L2HGDH: variants seen among roughly 807,000 people sequenced by gnomAD.
L2HGDH encodes L-2-hydroxyglutarate dehydrogenase, also known as L-2-hydroxyglutarate dehydrogenase, mitochondrial.
In L2HGDH, 34 loss-of-function variants were observed where a neutral mutation model predicts 51.5. The ratio of observed to expected loss-of-function variants is 0.66; its 90% CI spans 0.50 to 0.88. The LOEUF (loss-of-function observed/expected upper bound fraction) is 0.88. L2HGDH is among the 40% of genes least tolerant of loss of function. L2HGDH has a pLI of 0.00. For missense variants in L2HGDH, 558 were observed against 571.9 expected, an observed-to-expected ratio of 0.98 and a Z score of 0.25; for synonymous variants, 198 against 197.9, an observed-to-expected ratio of 1.00 and a Z score of -0.01.
In L2HGDH at chr14:50,294,145, C is replaced by T. The variant is rs151305613; in HGVS notation, c.510G>A (p.Glu170=). ...GVPGLRLIQQ[E]DIKKKEPYCR... ...AATATGGCTCCTTCTTTTTTATATC[C>T]TCCTGCTGGATCAGCCTCAGGCCCG... The change falls in exon 4 of 10, where the codon GAG becomes GAA. Residue 170 remains glutamate, a synonymous_variant. Transcript: ENST00000267436. The T allele has an allele frequency of 2.2e-4, 361 of 1,613,838 alleles. No individual in the cohort carries two copies. In the African/African-American group the frequency reaches 3.4e-3, roughly 15 times the overall value.
At chr14:50,303,070 A>C in intron 1 of L2HGDH, 53 bp from the exon 2 acceptor site, 1 of 1,071,324 alleles carries the variant, frequency 9.3e-7, no homozygotes, top group Non-Finnish European at 1.5e-6. Context: ...AGACCTCGCC[A>C]AACTTCACAT....
At chr14:50,263,201 T>C (rs1432459644) in intron 9 of L2HGDH, among the ~76,000 whole-genome samples, 1 of 152,196 alleles carries the variant, frequency 6.6e-6, no homozygotes, top group Non-Finnish European at 1.5e-5. Flanking sequence ...ATAGCAGTAA[T>C]AGAAACCAGA....
At chr14:50,288,050 T>G (rs1053244460) in intron 4 of L2HGDH, among the ~76,000 whole-genome samples, 1 of 152,260 alleles carries the variant, frequency 6.6e-6, no homozygotes, top group Admixed American at 6.5e-5. Context: ...GTGTCTACAA[T>G]GTGTAATGAT....
rs1317478917 is a variant in L2HGDH, at chr14:50,245,164, C to G, written c.*1894G>C. The G allele has an allele frequency of 6.4e-5, 63 of 985,266 alleles. No individual in the cohort carries two copies. Among genetic ancestry groups the G allele is most frequent in the Non-Finnish European group, 7.5e-5 (62 of 829,878 alleles). The allele number at this position is 985,266 out of a possible 1,614,324, so 61.0% of individuals were successfully genotyped here. A position where few individuals can be genotyped will look rare whatever the true frequency, so the allele number is the denominator to read the frequency against. On this transcript the variant is annotated 3_prime_UTR_variant, in exon 10 of 10. Transcript: ENST00000267436. ...TATTTATCAAAAATGGAAAAATATCCCTATACAAGTTTATAGGAGCCCTGA... is the reference window on the plus strand; with the variant it reads ...TATTTATCAAAAATGGAAAAATATCGCTATACAAGTTTATAGGAGCCCTGA...
At chr14:50,298,380 A>C (rs990994490) in intron 3 of L2HGDH, among the ~76,000 whole-genome samples, 3 of 151,510 alleles carry the variant, frequency 2.0e-5, no homozygotes, top group Non-Finnish European at 2.9e-5. Context: ...CAATGGCGCG[A>C]TCTCAGCTCA....
intron 9 of L2HGDH, among the ~76,000 whole-genome samples, chr14:50,262,379 G>C (rs903432613): frequency 2.7e-5 from 4 of 147,016 alleles, no homozygotes; most frequent in Non-Finnish European, 5.9e-5. Context: ...GTAGTAAGCC[G>C]ACATTGTACC....
intron 2 of L2HGDH, 103 bp from the exon 3 acceptor site, chr14:50,302,271 T>C (rs2030457052): frequency 2.5e-6 from 3 of 1,223,686 alleles, no homozygotes; most frequent in Admixed American, 1.7e-5. Flanking sequence ...GACCACATCA[T>C]GTAAAATTCT....
chr14:50,263,855 A>C (rs1889185183), intron 9 of L2HGDH, among the ~76,000 whole-genome samples: 1 of 149,320 alleles, frequency 6.7e-6, no homozygotes, highest in Non-Finnish European at 1.5e-5. Flanking sequence ...GCCTCACTGC[A>C]ACCTCTGCCT....
intron 3 of L2HGDH, among the ~76,000 whole-genome samples, chr14:50,301,145 T>C (rs2030385815): frequency 1.3e-5 from 2 of 152,208 alleles, no homozygotes; most frequent in African/African-American, 4.8e-5. Context: ...TCCACTAGGA[T>C]GGCTAAAATA....
At chr14:50,275,924 T>C (rs1889955224) in intron 6 of L2HGDH, among the ~76,000 whole-genome samples, 1 of 152,166 alleles carries the variant, frequency 6.6e-6, no homozygotes, top group African/African-American at 2.4e-5. Context: ...GTACTTCCAT[T>C]AGAGAATGAC....
intron 3 of L2HGDH, among the ~76,000 whole-genome samples, chr14:50,297,371 GAC>G (rs71118863): frequency 2.0e-5 from 3 of 150,574 alleles, no homozygotes; most frequent in Admixed American, 6.6e-5. Flanking sequence ...GGAATTCATA[GAC>G]ACACACACAC....
intron 3 of L2HGDH, among the ~76,000 whole-genome samples, chr14:50,301,766 T>C (rs548374834): frequency 7.2e-5 from 11 of 152,288 alleles, no homozygotes; most frequent in African/African-American, 2.6e-4. Context: ...CTCAGCTCTA[T>C]AAATATACTA....
At chr14:50,249,022 G>A (rs937771252) in intron 9 of L2HGDH, among the ~76,000 whole-genome samples, 5 of 152,142 alleles carry the variant, frequency 3.3e-5, no homozygotes, top group African/African-American at 1.2e-4. Flanking sequence ...AGTGGCTGGG[G>A]GCCTTTACAC....
chr14:50,300,371 T>C (rs1221471744), intron 3 of L2HGDH, among the ~76,000 whole-genome samples: 1 of 152,170 alleles, frequency 6.6e-6, no homozygotes, highest in Non-Finnish European at 1.5e-5. Flanking sequence ...CTCGCCTCAC[T>C]GCAACCTCTG....
intron 9 of L2HGDH, among the ~76,000 whole-genome samples, chr14:50,254,184 A>G (rs1888521784): frequency 6.6e-6 from 1 of 152,140 alleles, no homozygotes; most frequent in African/African-American, 2.4e-5. Context: ...AAAAATAACT[A>G]AGAGTGTAAT....
intron 5 of L2HGDH, among the ~76,000 whole-genome samples, chr14:50,283,043 A>T (rs1890362532): frequency 6.6e-6 from 1 of 151,868 alleles, no homozygotes; most frequent in South Asian, 2.1e-4. Context: ...AAAAAGAAAA[A>T]TACAAAAATT....
intron 9 of L2HGDH, among the ~76,000 whole-genome samples, chr14:50,260,781 C>T (rs1888970642): frequency 6.6e-6 from 1 of 152,070 alleles, no homozygotes; most frequent in South Asian, 2.1e-4. Flanking sequence ...TTTTTGGTTG[C>T]CACAATTAGG....
intron 4 of L2HGDH, among the ~76,000 whole-genome samples, chr14:50,288,565 G>T (rs895908405): frequency 2.0e-5 from 3 of 152,074 alleles, no homozygotes; most frequent in African/African-American, 7.2e-5. Context: ...TGAGTAGCTG[G>T]GATTACAGGC....
At chr14:50,303,634 GGGTGTGGT>G (rs1410203881) in intron 1 of L2HGDH, among the ~76,000 whole-genome samples, 1 of 151,518 alleles carries the variant, frequency 6.6e-6, no homozygotes, top group Non-Finnish European at 1.5e-5. Flanking sequence ...AAAATTAGCT[GGGTGTGGT>G]GGCAGGCACC....
Sources: allele counts gnomAD v4.1 joint callset (sites outside exome capture counted in the v4.1 genomes callset), GRCh38; gene constraint gnomAD v4.1.1; transcripts MANE v1.5; gene names NCBI Gene and HGNC (gene_info 2026-07-23, HGNC 2026-07-21).